The following ERBB4 variants were observed in gnomAD, a reference collection of about 807,000 sequenced individuals.
ERBB4 encodes receptor tyrosine-protein kinase erbB-4.
ERBB4 carries 42 observed loss-of-function variants against 158.0 expected under a neutral mutation model. The observed-to-expected ratio is 0.27, with a 90% confidence interval of 0.21 to 0.34. ERBB4 has a LOEUF of 0.34. Among genes scored for constraint, ERBB4 ranks in the 10% least tolerant of loss-of-function variants. The pLI is 1.00. For missense variants in ERBB4, 1,333 were observed against 1,624.1 expected (o/e 0.82, Z 3.08); for synonymous variants, 583 against 558.7 (o/e 1.04, Z -0.61).
intron 1 of ERBB4, among the ~76,000 whole-genome samples, chr2:212,499,355 G>A (rs1690755881): frequency 6.6e-6 from 1 of 151,920 alleles, no homozygotes; most frequent in African/African-American, 2.4e-5. Context: ...TTTCATAGTG[G>A]TTAGGTAGTA....
chr2:211,723,078 G>A (rs1216640030), intron 6 of ERBB4, among the ~76,000 whole-genome samples: 1 of 152,210 alleles, frequency 6.6e-6, no homozygotes, highest in South Asian at 2.1e-4. Context: ...AAAATGTAAA[G>A]AGGTAATTAG....
intron 2 of ERBB4, among the ~76,000 whole-genome samples, chr2:212,051,015 A>C (rs1398763292): frequency 3.3e-5 from 5 of 152,156 alleles, no homozygotes; most frequent in African/African-American, 1.2e-4. Context: ...CTGTAACTGA[A>C]ATAGCAATCG....
intron 15 of ERBB4, among the ~76,000 whole-genome samples, chr2:211,661,810 C>T (rs982843586): frequency 5.3e-5 from 8 of 151,288 alleles, no homozygotes; most frequent in Non-Finnish European, 8.8e-5. Flanking sequence ...GAGGCCGAGG[C>T]GGGCGGATCA....
chr2:211,774,502 T>C (rs1246315463), intron 4 of ERBB4, among the ~76,000 whole-genome samples: 2 of 152,160 alleles, frequency 1.3e-5, no homozygotes, highest in Non-Finnish European at 2.9e-5. Context: ...TCTTCACGGA[T>C]AGGTCAATTT....
chr2:211,839,148 AGAGAAGGAG>A (rs1347938300), intron 3 of ERBB4, among the ~76,000 whole-genome samples: 8 of 96,748 alleles, frequency 8.3e-5, no homozygotes, highest in Non-Finnish European at 1.2e-4. Context: ...AGAGGGAGAG[AGAGAAGGAG>A]GAGGAGGAGG....
rs189127956 is a variant in ERBB4, at chr2:211,580,185, G to A, written c.2302-18097C>T. ...AGCATATCATACAGAGGTATTATCC[G>A]TTTAAGGAAAAACACAGTTGAAACC... On this transcript the variant is annotated intron_variant, in intron 19 of 27. Coordinates refer to ENST00000342788, the MANE Select transcript of ERBB4 (RefSeq NM_005235.3). Among the ~76,000 whole-genome samples the A allele has an allele frequency of 4.0e-4, 61 of 152,144 alleles. 1 individual carries two copies. Among genetic ancestry groups the A allele is most frequent in the Middle Eastern group, 3.4e-3 (1 of 294 alleles).
chr2:211,998,682 T>C (rs2076029701), intron 2 of ERBB4, among the ~76,000 whole-genome samples: 1 of 151,928 alleles, frequency 6.6e-6, no homozygotes, highest in Non-Finnish European at 1.5e-5. Context: ...GTGAGATCTC[T>C]GCAACAAATG....
intron 9 of ERBB4, among the ~76,000 whole-genome samples, chr2:211,710,230 A>G (rs541110212): frequency 1.3e-5 from 2 of 152,312 alleles, no homozygotes; most frequent in South Asian, 2.1e-4. Context: ...ATGATTTCAA[A>G]TCATTCCCCA....
At chr2:212,295,458 TTC>T (rs968551808) in intron 1 of ERBB4, among the ~76,000 whole-genome samples, 27 of 152,196 alleles carry the variant, frequency 1.8e-4, no homozygotes, top group African/African-American at 6.5e-4. Context: ...ATCTTCATGT[TTC>T]TCTCTGTTTC....
chr2:211,637,059 T>C (rs2070389375), intron 16 of ERBB4, among the ~76,000 whole-genome samples: 1 of 151,946 alleles, frequency 6.6e-6, no homozygotes. Context: ...ATGTTACAAT[T>C]CTCTATAAAG....
At chr2:211,877,034 G>A (rs72933724) in intron 3 of ERBB4, among the ~76,000 whole-genome samples, 9,886 of 152,070 alleles carry the variant, frequency 0.065, 513 homozygotes, top group Non-Finnish European at 0.097. Flanking sequence ...CCTTAATTAC[G>A]GAACCTCTCC....
At chr2:211,531,436 C>G (rs550311596) in intron 20 of ERBB4, among the ~76,000 whole-genome samples, 253 of 152,034 alleles carry the variant, frequency 1.7e-3, no homozygotes, top group African/African-American at 5.8e-3. Flanking sequence ...GATTAATAAC[C>G]AGAAGGAACT....
In ERBB4 at chr2:212,217,607, G is replaced by A. The variant is rs537836456; in HGVS notation, c.83-92704C>T. On this transcript the variant is annotated intron_variant, in intron 1 of 27. Coordinates refer to ENST00000342788, the MANE Select transcript of ERBB4 (RefSeq NM_005235.3). ...TACCAGTTTCCAAAGGAAAAAGAAG[G>A]AAACGGTTCGATTTCTCACCGTGAC... Among the ~76,000 whole-genome samples the A allele has an allele frequency of 1.8e-4, 27 of 151,260 alleles. No individual in the cohort carries two copies. The South Asian group carries it at 5.6e-3, about 31-fold the overall frequency.
At chr2:211,579,049 C>T (rs2067976395) in intron 19 of ERBB4, among the ~76,000 whole-genome samples, 1 of 151,948 alleles carries the variant, frequency 6.6e-6, no homozygotes, top group African/African-American at 2.4e-5. Flanking sequence ...GAAATCTATC[C>T]ATTTGGCAAA....
chr2:211,877,631 A>C (rs2078543068), intron 3 of ERBB4, among the ~76,000 whole-genome samples: 1 of 151,998 alleles, frequency 6.6e-6, no homozygotes, highest in African/African-American at 2.4e-5. Flanking sequence ...TTGCTACTAT[A>C]CAGTCATGTT....
intron 12 of ERBB4, among the ~76,000 whole-genome samples, chr2:211,699,548 T>C (rs1194018733): frequency 6.6e-6 from 1 of 152,128 alleles, no homozygotes; most frequent in East Asian, 1.9e-4. Context: ...AGTCCAAATT[T>C]TGATAAATGA....
intron 3 of ERBB4, among the ~76,000 whole-genome samples, chr2:211,908,183 G>A (rs987815885): frequency 2.0e-5 from 3 of 151,896 alleles, no homozygotes; most frequent in Non-Finnish European, 4.4e-5. Flanking sequence ...GGCCCTGAGC[G>A]GTTAAGGAGA....
intron 1 of ERBB4, among the ~76,000 whole-genome samples, chr2:212,286,091 T>C (rs917943700): frequency 1.3e-5 from 2 of 152,160 alleles, no homozygotes; most frequent in Non-Finnish European, 2.9e-5. Flanking sequence ...TGTCTCCTCA[T>C]AATCACTTCA....
Position 212,381,469 on chromosome 2 carries a change from T to C in ERBB4, c.82+156980A>G, listed in dbSNP as rs1043396362. Among the ~76,000 whole-genome samples, 5 of 151,500 alleles carry C rather than the reference T, an allele frequency of 3.3e-5. No individual in the cohort carries two copies. In the Admixed American group the frequency reaches 3.3e-4, roughly 10 times the overall value. ...AACAAAAATAAGTGACACTATTACA[T>C]GTATATGTGTAGTGAGACATTACTT... On this transcript the variant is annotated intron_variant, in intron 1 of 27. Transcript: ENST00000342788.
Sources: allele counts gnomAD v4.1 joint callset (sites outside exome capture counted in the v4.1 genomes callset), GRCh38; gene constraint gnomAD v4.1.1; transcripts MANE v1.5; gene names NCBI Gene and HGNC (gene_info 2026-07-23, HGNC 2026-07-21).